Variants in DCHS2 observed in about 807,000 individuals in gnomAD.
The protein encoded by DCHS2 is protocadherin-23.
Under a neutral mutation model 182.4 loss-of-function variants are expected in DCHS2, and 142 were observed. That is an observed-to-expected ratio of 0.78 (90% CI 0.68 to 0.89). DCHS2 has a LOEUF of 0.89. Among genes scored for constraint, DCHS2 ranks in the 40% least tolerant of loss-of-function variants. DCHS2 has a pLI of 0.00. For synonymous variants in DCHS2, 1,740 were observed against 1,663.3 expected (o/e 1.05, Z -1.12); for missense variants, 4,319 against 4,198.6 (o/e 1.03, Z -0.79).
intron 3 of DCHS2, among the ~76,000 whole-genome samples, chr4:154,356,280 A>G (rs1399087068): frequency 3.3e-5 from 5 of 152,172 alleles, no homozygotes; most frequent in Non-Finnish European, 5.9e-5. Context: ...AAGAAAGAAA[A>G]TATGGTTGTA....
intron 1 of DCHS2, among the ~76,000 whole-genome samples, chr4:154,429,045 A>G (rs1391007774): frequency 6.6e-6 from 1 of 152,238 alleles, no homozygotes; most frequent in Non-Finnish European, 1.5e-5. Flanking sequence ...ATGGTTATAA[A>G]CACACAAAGA....
At chr4:154,237,299 C>CAAAT in intron 19 of DCHS2, 140 bp from the exon 20 acceptor site, 1 of 1,114,296 alleles carries the variant, frequency 9.0e-7, no homozygotes. Flanking sequence ...ACAATGACTC[C>CAAAT]AAATAGAAAT....
chr4:154,262,218 T>C (rs1385441424), intron 14 of DCHS2: 1 of 152,210 alleles, frequency 6.6e-6, no homozygotes, highest in Non-Finnish European at 1.5e-5. Flanking sequence ...TTGGAATGGA[T>C]CGACGGTTCT....
At chr4:154,275,279 A>G (rs1733792872) in intron 13 of DCHS2, among the ~76,000 whole-genome samples, 1 of 152,184 alleles carries the variant, frequency 6.6e-6, no homozygotes. Context: ...AAAAAGAGCA[A>G]GAAAACCCAA....
Position 154,301,816 on chromosome 4 carries a change from T to A in DCHS2, c.5605+2853A>T, listed in dbSNP as rs900947713. Among the ~76,000 whole-genome samples, 6 of 152,276 alleles carry A rather than the reference T, an allele frequency of 3.9e-5. No individual in the cohort carries two copies. In the South Asian group the frequency reaches 6.2e-4, roughly 16 times the overall value. On this transcript the variant is annotated intron_variant, in intron 12 of 19. Transcript: ENST00000357232. ...CTGCACCCAGCTGCTTTGCCTTATT[T>A]TAGCAAAAAGGAACATGCATTCCGA...
intron 1 of DCHS2, among the ~76,000 whole-genome samples, chr4:154,387,307 T>C (rs187895743): frequency 1.3e-5 from 2 of 152,268 alleles, no homozygotes; most frequent in East Asian, 3.9e-4. Context: ...ACTTGTCCTA[T>C]AAGGTGTTAT....
chr4:154,335,934 G>A (rs1017858606), intron 3 of DCHS2, among the ~76,000 whole-genome samples: 4 of 152,184 alleles, frequency 2.6e-5, no homozygotes, highest in African/African-American at 9.7e-5. Flanking sequence ...ATATCCCATA[G>A]TCCAGTATAT....
chr4:154,390,102 A>C (rs1236524896), intron 1 of DCHS2, among the ~76,000 whole-genome samples: 1 of 132,188 alleles, frequency 7.6e-6, no homozygotes, highest in African/African-American at 2.9e-5. Flanking sequence ...TATTTTTTTA[A>C]ATTTTTTTAT....
chr4:154,459,992 G>T (rs1453588247), intron 1 of DCHS2, among the ~76,000 whole-genome samples: 1 of 152,092 alleles, frequency 6.6e-6, no homozygotes, highest in African/African-American at 2.4e-5. Context: ...GCTTTTCTCT[G>T]CATTGTAACC....
Position 154,234,672 on chromosome 4 carries a change from T to A in DCHS2, c.9980A>T (p.Asn3327Ile). Residue 3327 changes from asparagine (N) to isoleucine (I), a missense_variant, in exon 20 of 20, where the codon AAT (asparagine) becomes ATT (isoleucine). Transcript: ENST00000357232. Reference sequence around the variant, plus strand: ...CAATAGGGAAAGAGATGGAGAAAAATTGGGAGTCATGCCTTCTGGCAGAGA... The same window carrying A: ...CAATAGGGAAAGAGATGGAGAAAAAATGGGAGTCATGCCTTCTGGCAGAGA... ...LGSLPEGMTP[N>I]FSPSLSLLTM... The A allele has an allele frequency of 6.2e-7, 1 of 1,613,436 alleles. No homozygotes were observed. Among genetic ancestry groups the A allele is most frequent in the Non-Finnish European group, 8.5e-7 (1 of 1,179,816 alleles).
chr4:154,437,941 G>A (rs929243057), intron 1 of DCHS2, among the ~76,000 whole-genome samples: 1 of 152,130 alleles, frequency 6.6e-6, no homozygotes, highest in African/African-American at 2.4e-5. Context: ...GAAGGCCAAG[G>A]CAGGAGGACC....
chr4:154,460,023 C>T (rs1734947952), intron 1 of DCHS2, among the ~76,000 whole-genome samples: 1 of 152,110 alleles, frequency 6.6e-6, no homozygotes, highest in Non-Finnish European at 1.5e-5. Context: ...GCATGAATAG[C>T]TCAGCAATAC....
rs1023526312 is a variant in DCHS2, at chr4:154,297,752, A to G, written c.6463+99T>C. 4.0e-6 allele frequency: 6 copies of G among 1,505,370 alleles called. No homozygotes were observed. In the African/African-American group the frequency reaches 5.6e-5, roughly 14 times the overall value. 93.3% of individuals were successfully genotyped at this position (1,505,370 alleles called of 1,614,324 possible). ...GAACAGGCATTGAACTAAAAAATGT[A>G]TAACTGAATGCGCAATGGCACTCTT... is the stretch of plus-strand genomic sequence containing the variant. On this transcript the variant is annotated intron_variant, in intron 13 of 19. Transcript: ENST00000357232.
chr4:154,486,054 T>A lies in DCHS2; in HGVS notation c.2052+3250A>T, dbSNP rs555847570. On this transcript the variant is annotated intron_variant, in intron 1 of 19. Coordinates refer to ENST00000357232, the MANE Select transcript of DCHS2 (RefSeq NM_001358235.2). ...GCAGCAAGAGATTGAAAGGAACTCC[T>A]GAGGGGTGGATTGTTAAGAAGAGGC... Among the ~76,000 whole-genome samples, 10 of 152,324 alleles carry A rather than the reference T, an allele frequency of 6.6e-5. No homozygotes were observed. In the East Asian group the frequency reaches 1.7e-3, roughly 26 times the overall value.
rs538775174 is a variant in DCHS2, at chr4:154,451,250, A to C, written c.2052+38054T>G. On this transcript the variant is annotated intron_variant, in intron 1 of 19. Transcript: ENST00000357232. ...TAGGTGAATCACAGCACAAGCCCTTAGGATTTTAGAGCAAAGCCCTGCCAT... is the reference window on the plus strand; with the variant it reads ...TAGGTGAATCACAGCACAAGCCCTTCGGATTTTAGAGCAAAGCCCTGCCAT... 1.1e-4 allele frequency among the ~76,000 whole-genome samples: 17 copies of C among 152,346 alleles called. No homozygotes were observed. The South Asian group carries it at 2.9e-3, about 26-fold the overall frequency.
intron 9 of DCHS2, 121 bp from the exon 10 acceptor site, chr4:154,316,108 A>AT (rs1162336152): frequency 2.8e-6 from 4 of 1,433,990 alleles, no homozygotes; most frequent in Non-Finnish European, 3.7e-6. Context: ...CTGCTAAAAT[A>AT]TGAACTGCAT....
chr4:154,446,627 G>A (rs1734295096), intron 1 of DCHS2, among the ~76,000 whole-genome samples: 1 of 152,092 alleles, frequency 6.6e-6, no homozygotes, highest in African/African-American at 2.4e-5. Flanking sequence ...GTAAGGGATT[G>A]AGCTGGAACC....
intron 3 of DCHS2, among the ~76,000 whole-genome samples, chr4:154,339,685 G>A (rs1728974012): frequency 6.6e-6 from 1 of 152,120 alleles, no homozygotes; most frequent in African/African-American, 2.4e-5. Context: ...CTGACCTTGT[G>A]ATCCGCCCAT....
chr4:154,390,064 GACCTA>G (rs1731616090), intron 1 of DCHS2, among the ~76,000 whole-genome samples: 1 of 151,584 alleles, frequency 6.6e-6, no homozygotes, highest in Admixed American at 6.6e-5. Context: ...TCAGTGAACT[GACCTA>G]GGCTGTTGAT....
Sources: gnomAD v4.1 joint callset for allele counts (sites outside exome capture counted in the v4.1 genomes callset) on GRCh38, gnomAD v4.1.1 for gene constraint, MANE v1.5 for transcripts, NCBI Gene and HGNC (gene_info 2026-07-23, HGNC 2026-07-21) for gene names.